Variants in R3HDML observed in about 807,000 individuals in gnomAD.
R3HDML encodes the protein peptidase inhibitor R3HDML.
R3HDML carries 21 observed loss-of-function variants against 24.2 expected under a neutral mutation model. The observed-to-expected ratio is 0.87, with a 90% CI of 0.62 to 1.25. R3HDML has a LOEUF of 1.25. R3HDML is among the 50% of genes most tolerant of loss of function. The pLI is 0.00. For synonymous variants in R3HDML, 133 were observed against 131.5 expected, an observed-to-expected ratio of 1.01 and a Z score of -0.08; for missense variants, 301 against 340.3, an observed-to-expected ratio of 0.88 and a Z score of 0.91.
chr20:44,340,557 T>G (rs867999383), intron 1 of R3HDML, among the ~76,000 whole-genome samples: 4 of 152,176 alleles, frequency 2.6e-5, no homozygotes, highest in African/African-American at 9.6e-5. Context: ...CACTTTGGGA[T>G]GCTGAGGCAG....
At chr20:44,341,635 A>T (rs970626417) in intron 2 of R3HDML, among the ~76,000 whole-genome samples, 1 of 152,246 alleles carries the variant, frequency 6.6e-6, no homozygotes, top group Non-Finnish European at 1.5e-5. Flanking sequence ...CTGTAATCCC[A>T]GCACTTTGGG....
At chr20:44,347,983 G>A (rs1183764558) in intron 4 of R3HDML, among the ~76,000 whole-genome samples, 2 of 131,950 alleles carry the variant, frequency 1.5e-5, no homozygotes. Flanking sequence ...TTTTTTTGGA[G>A]GCAGGGTCTT....
At chr20:44,342,647 G>A (rs2062775262) in intron 2 of R3HDML, among the ~76,000 whole-genome samples, 1 of 152,172 alleles carries the variant, frequency 6.6e-6, no homozygotes, top group Non-Finnish European at 1.5e-5. Flanking sequence ...TGTCAAATAT[G>A]TGTAATAGAA....
rs1390785384 is a variant in R3HDML, at chr20:44,344,552, T to G, written c.514-711T>G. Among the ~76,000 whole-genome samples the G allele has an allele frequency of 2.0e-5, 3 of 152,160 alleles. No homozygotes were observed. The East Asian group carries it at 5.8e-4, about 29-fold the overall frequency. On this transcript the variant is annotated intron_variant, in intron 3 of 4. Transcript: ENST00000217043. ...ATCGTAGCACTTTGGGAAGCCAAGG[T>G]GGGCAGATCACCTGAGGTCAGGAGT...
At chr20:44,342,330 G>A (rs2146109769) in intron 2 of R3HDML, among the ~76,000 whole-genome samples, 1 of 152,244 alleles carries the variant, frequency 6.6e-6, no homozygotes, top group African/African-American at 2.4e-5. Context: ...CCCTGTCTGT[G>A]TTTTTTCATG....
At position 44,337,411 on chromosome 20, in the gene R3HDML, A is replaced by G; in HGVS notation, c.254A>G (p.Glu85Gly). 6.2e-7 allele frequency: 1 copy of G among 1,612,980 alleles called. No individual in the cohort carries two copies. The highest frequency in any genetic ancestry group is 1.1e-5 in the South Asian group (1 of 91,058). The change falls in exon 1 of 5, where the codon GAA (glutamate) becomes GGA (glycine). Residue 85 changes from glutamate to glycine, a missense_variant. Glu to Gly is a moderately conservative substitution (Grantham distance 98). Transcript: ENST00000217043. The surrounding 1 kb of genome is among the most constrained non-coding windows in gnomAD (Gnocchi z 4.7). ...ASVYPPAANM[E>G]YMVWDKRLAR... Reference sequence around the variant, plus strand: ...GTGTACCCACCTGCCGCCAACATGGAATACATGGTGAGTCCCCGTACCTGC... The same window carrying G: ...GTGTACCCACCTGCCGCCAACATGGGATACATGGTGAGTCCCCGTACCTGC...
At chr20:44,348,518 T>TCCTTTCCTTTCCTTTC (rs1408961292) in intron 4 of R3HDML, among the ~76,000 whole-genome samples, 2 of 145,600 alleles carry the variant, frequency 1.4e-5, no homozygotes, top group Non-Finnish European at 3.0e-5. Context: ...TCCTTTCCTT[T>TCCTTTCCTTTCCTTTC]CTTTTCTTCT....
At position 44,338,813 on chromosome 20, in the gene R3HDML, A is replaced by G. The variant is rs147412036; in HGVS notation, c.261+1395A>G. Among the ~76,000 whole-genome samples the G allele has an allele frequency of 4.8e-3, 735 of 152,226 alleles. 12 individuals carry two copies. Among genetic ancestry groups the G allele is most frequent in the African/African-American group, 0.017 (710 of 41,550 alleles). The stretch of plus-strand genomic sequence containing the variant: ...AGAGCCGGGCGCAGTGGCTCACGCC[A>G]GTAATCCCAGCACTTTGGGAGGCCG... On this transcript the variant is annotated intron_variant, in intron 1 of 4. Coordinates refer to ENST00000217043, the MANE Select transcript of R3HDML (RefSeq NM_178491.4).
intron 4 of R3HDML, among the ~76,000 whole-genome samples, chr20:44,348,377 A>G (rs773248070): frequency 3.3e-5 from 5 of 152,096 alleles, no homozygotes; most frequent in Non-Finnish European, 5.9e-5. Context: ...TGAATACATC[A>G]TTTTATCTTG....
At chr20:44,339,889 G>A (rs1004928761) in intron 1 of R3HDML, among the ~76,000 whole-genome samples, 5 of 151,842 alleles carry the variant, frequency 3.3e-5, no homozygotes, top group South Asian at 4.2e-4. Context: ...AGCAATTCTC[G>A]TGCCTCAGCC....
chr20:44,343,482 T>C lies in R3HDML; in HGVS notation c.486T>C (p.Asp162=), dbSNP rs777933403. 4 of 1,611,558 alleles carry C rather than the reference T, an allele frequency of 2.5e-6. No homozygotes were observed. Among genetic ancestry groups the C allele is most frequent in the Admixed American group, 3.4e-5 (2 of 59,488 alleles). ...DCNPHCPWRC[D]GPTCSHYTQM... is the part of the protein sequence containing the mutation. ...ACCCACACTGCCCCTGGCGCTGCGA[T>C]GGCCCCACCTGCTCCCATTATACCC... Residue 162 remains aspartate, a synonymous_variant, in exon 3 of 5, where the codon GAT becomes GAC. Transcript: ENST00000217043.
chr20:44,339,062 T>TAAA (rs750054379), intron 1 of R3HDML, among the ~76,000 whole-genome samples: 5 of 111,540 alleles, frequency 4.5e-5, no homozygotes, highest in African/African-American at 3.5e-5. Context: ...AAACTCTATC[T>TAAA]AAAAAAAAAA....
At chr20:44,342,260 G>A (rs1195840306) in intron 2 of R3HDML, among the ~76,000 whole-genome samples, 1 of 152,126 alleles carries the variant, frequency 6.6e-6, no homozygotes, top group Non-Finnish European at 1.5e-5. Context: ...CCATCACCCC[G>A]GGGAGAGTGG....
chr20:44,350,611 G>T (rs773896523), intron 4 of R3HDML, 49 bp from the exon 5 acceptor site: 4 of 1,582,110 alleles, frequency 2.5e-6, no homozygotes, highest in Non-Finnish European at 1.7e-6. Context: ...CTGTGTGAAG[G>T]TTACTCACCT....
intron 3 of R3HDML, among the ~76,000 whole-genome samples, chr20:44,343,771 C>A (rs998630146): frequency 3.3e-5 from 5 of 151,074 alleles, no homozygotes; most frequent in African/African-American, 7.3e-5. Context: ...TCTCGGCTCA[C>A]TGTAACCTCT....
At chr20:44,344,851 G>C (rs940187520) in intron 3 of R3HDML, 1 of 173,922 alleles carries the variant, frequency 5.7e-6, no homozygotes, top group Non-Finnish European at 1.2e-5. Flanking sequence ...CTAGTCTGAA[G>C]GTAGTGAGTT....
At position 44,344,106 on chromosome 20, in the gene R3HDML, C is replaced by T. The variant is rs921133786; in HGVS notation, c.513+597C>T. 6.6e-5 allele frequency among the ~76,000 whole-genome samples: 10 copies of T among 151,990 alleles called. No individual in the cohort carries two copies. The East Asian group carries it at 1.9e-3, about 29-fold the overall frequency. ...ACCATCCTGGCTAACACGGTGAGAC[C>T]CCGTCTCTACTGAAAATACAAAAAA... On this transcript the variant is annotated intron_variant, in intron 3 of 4. Coordinates refer to ENST00000217043, the MANE Select transcript of R3HDML (RefSeq NM_178491.4).
chr20:44,344,109 G>A (rs1339806528), intron 3 of R3HDML, among the ~76,000 whole-genome samples: 6 of 152,006 alleles, frequency 3.9e-5, no homozygotes, highest in Non-Finnish European at 8.8e-5. Context: ...GTGAGACCCC[G>A]TCTCTACTGA....
chr20:44,337,597 C>T lies in R3HDML; in HGVS notation c.261+179C>T, dbSNP rs1314314485. Reference sequence around the variant, plus strand: ...GGCAGGAGTTAATCTGCCCATTTTACAGATGAGGAAACCAAGAAGGTTGCA... The same window carrying T: ...GGCAGGAGTTAATCTGCCCATTTTATAGATGAGGAAACCAAGAAGGTTGCA... On this transcript the variant is annotated intron_variant, in intron 1 of 4. Coordinates refer to ENST00000217043, the MANE Select transcript of R3HDML (RefSeq NM_178491.4). The surrounding 1 kb of genome is among the most constrained non-coding windows in gnomAD (Gnocchi z 4.7). Among the ~76,000 whole-genome samples the T allele has an allele frequency of 6.6e-6, 1 of 152,200 alleles. No individual in the cohort carries two copies. The highest frequency in any genetic ancestry group is 6.5e-5 in the Admixed American group (1 of 15,274).
Sources: gnomAD v4.1 joint callset for allele counts (sites outside exome capture counted in the v4.1 genomes callset) on GRCh38, gnomAD v4.1.1 for gene constraint, Gnocchi (gnomAD v3.1) non-coding constraint, MANE v1.5 for transcripts, NCBI Gene and HGNC (gene_info 2026-07-23, HGNC 2026-07-21) for gene names.